Variants in VPS13B observed in about 807,000 individuals in gnomAD.
VPS13B encodes vacuolar protein sorting 13 homolog B.
Under a neutral mutation model 426.4 loss-of-function variants are expected in VPS13B, and 285 were observed. The observed-to-expected ratio is 0.67, with a 90% confidence interval of 0.61 to 0.74. VPS13B has a LOEUF of 0.74. Ranked by LOEUF, VPS13B falls within the 30% of genes least tolerant of loss-of-function variation. The pLI is 0.00. For synonymous variants in VPS13B, 1,676 were observed against 1,676.4 expected, an observed-to-expected ratio of 1.00 and a Z score of 0.01; for missense variants, 4,537 against 4,782.6, an observed-to-expected ratio of 0.95 and a Z score of 1.51.
intron 30 of VPS13B, among the ~76,000 whole-genome samples, chr8:99,555,404 C>T (rs1445665663): frequency 6.6e-6 from 1 of 152,114 alleles, no homozygotes; most frequent in African/African-American, 2.4e-5. Flanking sequence ...TAGTGTTCAA[C>T]TGATGTAATT....
intron 21 of VPS13B, among the ~76,000 whole-genome samples, chr8:99,430,713 A>G (rs1328803622): frequency 8.0e-6 from 1 of 124,612 alleles, no homozygotes; most frequent in African/African-American, 3.4e-5. Flanking sequence ...CCCCCCCCCC[A>G]ACTTTTTTTT....
chr8:99,773,356 A>T (rs1475054188), intron 40 of VPS13B, among the ~76,000 whole-genome samples: 1 of 152,166 alleles, frequency 6.6e-6, no homozygotes, highest in Non-Finnish European at 1.5e-5. Flanking sequence ...ATGCTATATT[A>T]TCCTATATTA....
At chr8:99,707,750 A>G (rs1158164942) in intron 36 of VPS13B, among the ~76,000 whole-genome samples, 1 of 152,214 alleles carries the variant, frequency 6.6e-6, no homozygotes, top group Non-Finnish European at 1.5e-5. Context: ...GTTGAAGCCC[A>G]TGGAGCTAGT....
intron 19 of VPS13B, among the ~76,000 whole-genome samples, chr8:99,366,445 C>T (rs1812894071): frequency 6.6e-6 from 1 of 151,630 alleles, no homozygotes; most frequent in South Asian, 2.1e-4. Context: ...ATTTCTTTTT[C>T]CACCCCTTCA....
intron 30 of VPS13B, among the ~76,000 whole-genome samples, chr8:99,538,709 T>C (rs1196353304): frequency 6.6e-6 from 1 of 152,194 alleles, no homozygotes; most frequent in African/African-American, 2.4e-5. Flanking sequence ...ATAAAATAAA[T>C]TGTCTTTCCT....
At chr8:99,067,907 A>G (rs1844625434) in intron 3 of VPS13B, among the ~76,000 whole-genome samples, 1 of 152,164 alleles carries the variant, frequency 6.6e-6, no homozygotes, top group South Asian at 2.1e-4. Flanking sequence ...ATATGTGATT[A>G]TAAGATATTT....
chr8:99,157,035 GT>G (rs1811400442), intron 15 of VPS13B, among the ~76,000 whole-genome samples: 2 of 152,258 alleles, frequency 1.3e-5, no homozygotes, highest in South Asian at 4.1e-4. Context: ...TATAAGCAAT[GT>G]GAAAGAGCAC....
At chr8:99,149,604 C>G (rs2132603309) in intron 14 of VPS13B, among the ~76,000 whole-genome samples, 1 of 151,560 alleles carries the variant, frequency 6.6e-6, no homozygotes, top group Non-Finnish European at 1.5e-5. Flanking sequence ...AGGTGTGAGC[C>G]ACCACACCTG....
At chr8:99,669,986 G>A (rs1250917502) in intron 35 of VPS13B, among the ~76,000 whole-genome samples, 1 of 152,008 alleles carries the variant, frequency 6.6e-6, no homozygotes, top group African/African-American at 2.4e-5. Flanking sequence ...CTATAAAATA[G>A]TAAAAGAGTT....
chr8:99,778,919 G>A lies in VPS13B; in HGVS notation c.7667G>A (p.Ser2556Asn). Residue 2556 changes from serine (S) to asparagine (N), a missense_variant, in exon 42 of 62, where the codon AGC (serine) becomes AAC (asparagine). Ser to Asn is a conservative substitution (Grantham distance 46). Coordinates refer to ENST00000357162, the MANE Select transcript of VPS13B (RefSeq NM_152564.5). ...ATCTTCGGGCAGATGGCAGTTTCCA[G>A]CGATGTAGTGGAAAAGCTGCTTGAC... ...FSIFGQMAVSSDVVEKLLDCT... is the reference protein window; with the variant it reads ...FSIFGQMAVSNDVVEKLLDCT... The A allele has an allele frequency of 1.2e-6, 2 of 1,613,962 alleles. No homozygotes were observed. The highest frequency in any genetic ancestry group is 1.7e-4 in the Middle Eastern group (1 of 6,056).
At chr8:99,393,155 CAG>C (rs1324760846) in intron 21 of VPS13B, among the ~76,000 whole-genome samples, 2 of 151,710 alleles carry the variant, frequency 1.3e-5, no homozygotes, top group Admixed American at 6.6e-5. Flanking sequence ...TTAACGGTGA[CAG>C]AAAATGCTTA....
chr8:99,140,207 A>T (rs994532347), intron 12 of VPS13B, among the ~76,000 whole-genome samples: 1 of 151,878 alleles, frequency 6.6e-6, no homozygotes, highest in Non-Finnish European at 1.5e-5. Context: ...TCTACTAAAA[A>T]TACAAAAATT....
intron 21 of VPS13B, among the ~76,000 whole-genome samples, chr8:99,430,843 C>G (rs780286795): frequency 6.6e-6 from 1 of 151,938 alleles, no homozygotes; most frequent in Non-Finnish European, 1.5e-5. Flanking sequence ...CTCAGGCTCC[C>G]GAGTAGCTGG....
intron 19 of VPS13B, among the ~76,000 whole-genome samples, chr8:99,296,791 A>G (rs1418386591): frequency 6.6e-6 from 1 of 152,178 alleles, no homozygotes; most frequent in African/African-American, 2.4e-5. Context: ...CCACGTGAGG[A>G]CATAGCTTTC....
intron 3 of VPS13B, among the ~76,000 whole-genome samples, chr8:99,052,243 G>A (rs1433493207): frequency 1.7e-4 from 19 of 114,168 alleles, no homozygotes; most frequent in African/African-American, 4.1e-4. Context: ...AGCATGAAGC[G>A]TTGTTGAATT....
intron 17 of VPS13B, chr8:99,233,378 G>C: frequency 9.4e-7 from 1 of 1,069,042 alleles, no homozygotes; most frequent in Non-Finnish European, 1.5e-6. Flanking sequence ...CCGAAGATCC[G>C]TCCCTGGGCC....
chr8:99,809,767 T>C (rs901608703), intron 44 of VPS13B, among the ~76,000 whole-genome samples: 1 of 152,162 alleles, frequency 6.6e-6, no homozygotes, highest in Admixed American at 6.5e-5. Context: ...TTTACTGATT[T>C]TAGTTTCACC....
chr8:99,548,083 G>C (rs1223865788), intron 30 of VPS13B, among the ~76,000 whole-genome samples: 1 of 151,978 alleles, frequency 6.6e-6, no homozygotes, highest in Non-Finnish European at 1.5e-5. Context: ...GTTAACATTA[G>C]GCATTCTGGT....
chr8:99,388,877 A>C (rs3105178), intron 20 of VPS13B, among the ~76,000 whole-genome samples: 1 of 152,050 alleles, frequency 6.6e-6, no homozygotes. Context: ...TTGACTGGGC[A>C]CAGTGGCTCA....
Sources: gnomAD v4.1 joint callset for allele counts (sites outside exome capture counted in the v4.1 genomes callset) on GRCh38, gnomAD v4.1.1 for gene constraint, MANE v1.5 for transcripts, NCBI Gene and HGNC (gene_info 2026-07-23, HGNC 2026-07-21) for gene names.